ZFTA: variants seen among roughly 807,000 people sequenced by gnomAD.
ZFTA encodes the protein zinc finger translocation associated, also known as zinc finger translocation-associated protein.
Under a neutral mutation model 41.8 loss-of-function variants are expected in ZFTA, and 35 were observed. That is an observed-to-expected ratio of 0.84 (90% CI 0.64 to 1.11). The LOEUF is 1.11. ZFTA is among the 50% of genes most tolerant of loss of function. The pLI, the probability that ZFTA is intolerant of heterozygous loss-of-function variation, is 0.00. For missense variants in ZFTA, 964 were observed against 989.8 expected, an observed-to-expected ratio of 0.97 and a Z score of 0.35; for synonymous variants, 514 against 436.4, an observed-to-expected ratio of 1.18 and a Z score of -2.22.
At position 63,763,840 on chromosome 11, in the gene ZFTA, AGGGAGCTCCAG is replaced by A; in HGVS notation, c.1604_1614del (p.Pro535LeufsTer96). ...TCCTCTTCTTCGGCGGGCCGCTCCA[AGGGAGCTCCAG>A]GGGACAGCGGAACGTCGCCTAAGGA... On this transcript the variant is annotated frameshift_variant, in exon 5 of 5. Transcript: ENST00000433688. LOFTEE classifies it low-confidence loss of function (END_TRUNC). 2 of 1,438,628 alleles carry A rather than the reference AGGGAGCTCCAG, an allele frequency of 1.4e-6. No individual in the cohort carries two copies. The highest frequency in any genetic ancestry group is 1.8e-6 in the Non-Finnish European group (2 of 1,097,806). The allele number at this position is 1,438,628 out of a possible 1,614,324, so 89.1% of individuals were successfully genotyped here. A position where few individuals can be genotyped will look rare whatever the true frequency, so the allele number is the denominator to read the frequency against.
chr11:63,765,067 G>C lies in ZFTA; in HGVS notation c.825C>G (p.Asp275Glu). Residue 275 changes from aspartate to glutamate, a missense_variant, in exon 3 of 5, where the codon GAC becomes GAG. Around this residue, in one of 5 missense-constraint regions of ZFTA, gnomAD observed 584 missense variants for 523.1 expected, o/e 1.12. Transcript: ENST00000433688. The surrounding 1 kb of genome is among the most constrained non-coding windows in gnomAD (Gnocchi z 4.0). ...CCAGCCGGTTCCCCCGCGGGTCATA[G>C]TCCATGAGACACTCGGCCCGGAACC... ...QNWFRAECLM[D>E]YDPRGNRLVC... The C allele has an allele frequency of 6.5e-7, 1 of 1,549,008 alleles. No individual in the cohort carries two copies. Among genetic ancestry groups the C allele is most frequent in the Non-Finnish European group, 8.7e-7 (1 of 1,146,498 alleles).
rs1240848542 is a variant in ZFTA at position 63,763,450 on chromosome 11, C to T, written c.2005G>A (p.Asp669Asn). The T allele has an allele frequency of 7.0e-6, 10 of 1,420,872 alleles. No homozygotes were observed. Among genetic ancestry groups the T allele is most frequent in the Non-Finnish European group, 8.3e-6 (9 of 1,087,800 alleles). 88.0% of individuals were successfully genotyped at this position (1,420,872 alleles called of 1,614,324 possible). The change falls in exon 5 of 5, where the codon GAC becomes AAC. Residue 669 changes from aspartate to asparagine, a missense_variant. Physicochemically the swap from Asp to Asn is conservative, Grantham distance 23. Around this residue, in one of 5 missense-constraint regions of ZFTA, gnomAD observed 65 missense variants for 58.9 expected, o/e 1.10. Transcript: ENST00000433688. ...CGACACACAGCGCCAGACTTGAGGT[C>T]CGCGCCGCCGTCACGCGGCGCCGGG... ...PAPAPRDGGADLKSGAVCRA is the reference protein window; with the variant it reads ...PAPAPRDGGANLKSGAVCRA
At position 63,765,842 on chromosome 11, in the gene ZFTA, CCCTCCTCCTCCTCCTCTTCTT is replaced by C. The variant is rs774546523; in HGVS notation, c.581_601del (p.Glu194_Glu200del). 1.2e-4 allele frequency: 173 copies of C among 1,492,774 alleles called. No homozygotes were observed. The highest frequency in any genetic ancestry group is 1.4e-4 in the Non-Finnish European group (155 of 1,120,606). 92.5% of individuals were successfully genotyped at this position (1,492,774 alleles called of 1,614,324 possible). A position where few individuals can be genotyped will look rare whatever the true frequency, so the allele number is the denominator to read the frequency against. ...GGGCGGGCAAGCTGGGACACCGGCC[CCCTCCTCCTCCTCCTCTTCTT>C]CCTCCTCCTCCTCCTCCTCAGCCCC... is the stretch of plus-strand genomic sequence containing the variant. On this transcript the variant is annotated inframe_deletion, in exon 2 of 5. Transcript: ENST00000433688. The surrounding 1 kb of genome is among the most constrained non-coding windows in gnomAD (Gnocchi z 4.0).
Position 63,764,408 on chromosome 11 carries a change from CG to C in ZFTA, c.1214del (p.Pro405ArgfsTer47). On this transcript the variant is annotated frameshift_variant, in exon 4 of 5. Coordinates refer to ENST00000433688, the MANE Select transcript of ZFTA (RefSeq NM_001144936.2). LOFTEE classifies it high-confidence loss of function. ...GGGCGCGGCCCCGCGGCGACCGGCCCGGGACCCCCGCCCTCTCGCCCTCGCC... is the reference window on the plus strand; with the variant it reads ...GGGCGCGGCCCCGCGGCGACCGGCCCGGACCCCCGCCCTCTCGCCCTCGCC... ...EEGEGERAGV[P>X]GRSPRGRAHR... is the part of the protein sequence containing the mutation. The C allele has an allele frequency of 1.6e-6, 2 of 1,280,508 alleles. No individual in the cohort carries two copies. The highest frequency in any genetic ancestry group is 2.0e-6 in the Non-Finnish European group (2 of 1,016,618). The allele number at this position is 1,280,508 out of a possible 1,614,324, so 79.3% of individuals were successfully genotyped here. A position where few individuals can be genotyped will look rare whatever the true frequency, so the allele number is the denominator to read the frequency against.
intron 1 of ZFTA, 95 bp downstream of exon 1, chr11:63,768,389 C>T (rs1341598248): frequency 9.9e-6 from 8 of 804,136 alleles, no homozygotes; most frequent in African/African-American, 1.9e-5. Flanking sequence ...GCCCGCGTCC[C>T]CCGCTTTGTT....
rs2014597360 is a variant in ZFTA, at chr11:63,760,243, A to ATTT, written c.*3174_*3175insAAA. On this transcript the variant is annotated 3_prime_UTR_variant, in exon 5 of 5. Transcript: ENST00000433688. Reference sequence around the variant, plus strand: ...TTACATATAGCCACAATACACTTAAATTGAGTCAATCACCGTGGAAAATGG... The same window carrying ATTT: ...TTACATATAGCCACAATACACTTAAATTTTTGAGTCAATCACCGTGGAAAATGG... 6.6e-6 allele frequency: 1 copy of ATTT among 152,182 alleles called. No homozygotes were observed. Among genetic ancestry groups the ATTT allele is most frequent in the South Asian group, 2.1e-4 (1 of 4,830 alleles). 9.4% of individuals were successfully genotyped at this position (152,182 alleles called of 1,614,324 possible).
Position 63,765,395 on chromosome 11 carries a change from A to C in ZFTA, c.638-141T>G. On this transcript the variant is annotated intron_variant, in intron 2 of 4. Transcript: ENST00000433688. This position sits in a 1 kb window ranked among gnomAD's most constrained non-coding sequence, Gnocchi z 4.0. ...TCTCTTCCTCTCTCCTGAAATCCTAACTCCCTAAACCCTCCTCTGCTAGCA... is the reference window on the plus strand; with the variant it reads ...TCTCTTCCTCTCTCCTGAAATCCTACCTCCCTAAACCCTCCTCTGCTAGCA... 2 of 977,336 alleles carry C rather than the reference A, an allele frequency of 2.0e-6. No individual in the cohort carries two copies. The highest frequency in any genetic ancestry group is 2.8e-6 in the Non-Finnish European group (2 of 707,526). The allele number at this position is 977,336 out of a possible 1,614,324, so 60.5% of individuals were successfully genotyped here. A position where few individuals can be genotyped will look rare whatever the true frequency, so the allele number is the denominator to read the frequency against.
In ZFTA at chr11:63,764,875, G is replaced by A; in HGVS notation, c.1017C>T (p.Ser339=). ...QPEALSELTQ[S]PPGDDLAPQD... The stretch of plus-strand genomic sequence containing the variant: ...CTGGGATGGGCCTCGCACCTGGTGG[G>A]GACTGGGTGAGCTCAGACAGCGCCT... The change falls in exon 3 of 5, where the codon TCC becomes TCT. Residue 339 remains serine, a synonymous_variant. Transcript: ENST00000433688. 4 of 1,500,346 alleles carry A rather than the reference G, an allele frequency of 2.7e-6. No homozygotes were observed. Among genetic ancestry groups the A allele is most frequent in the Non-Finnish European group, 3.5e-6 (4 of 1,126,848 alleles). The allele number at this position is 1,500,346 out of a possible 1,614,324, so 92.9% of individuals were successfully genotyped here. A position where few individuals can be genotyped will look rare whatever the true frequency, so the allele number is the denominator to read the frequency against.
At chr11:63,764,627 C>T (rs2014715045) in intron 3 of ZFTA, 29 bp from the exon 4 acceptor site, 2 of 1,264,000 alleles carry the variant, frequency 1.6e-6, no homozygotes, top group Admixed American at 4.0e-5. Flanking sequence ...GGGAGAGGGG[C>T]TCAGCCTGCT....
chr11:63,767,200 C>T (rs886304410), intron 1 of ZFTA: 18 of 152,348 alleles, frequency 1.2e-4, no homozygotes, highest in African/African-American at 4.3e-4. Context: ...CCCCTACCCT[C>T]CCTACAGTTC....
Position 63,765,604 on chromosome 11 carries a change from G to A in ZFTA, c.637+203C>T, listed in dbSNP as rs1590910695. On this transcript the variant is annotated intron_variant, in intron 2 of 4. Coordinates refer to ENST00000433688, the MANE Select transcript of ZFTA (RefSeq NM_001144936.2). This position sits in a 1 kb window ranked among gnomAD's most constrained non-coding sequence, Gnocchi z 4.0. ...CTTGATACTTCAAAAACCACAGAAT[G>A]TACAAGCTGTCATGGACATCGGAGA... is the stretch of plus-strand genomic sequence containing the variant. 6.6e-6 allele frequency among the ~76,000 whole-genome samples: 1 copy of A among 152,020 alleles called. No homozygotes were observed. The highest frequency in any genetic ancestry group is 2.4e-5 in the African/African-American group (1 of 41,364).
Position 63,768,541 on chromosome 11 carries a change from G to T in ZFTA, c.82C>A (p.Arg28=). Reference sequence around the variant, plus strand: ...CTCGATCCGGCGGGCGGCAGCCGTCGGCCCCGTGCCGAGGCCACTGCTGGC... The same window carrying T: ...CTCGATCCGGCGGGCGGCAGCCGTCTGCCCCGTGCCGAGGCCACTGCTGGC... ...PGPAVASARG[R]RLPPAGSSGS... is the part of the protein sequence containing the mutation. The change falls in exon 1 of 5, where the codon CGA becomes AGA. Residue 28 remains arginine, a synonymous_variant. Transcript: ENST00000433688. 1 of 1,147,332 alleles carries T rather than the reference G, an allele frequency of 8.7e-7. No individual in the cohort carries two copies. The highest frequency in any genetic ancestry group is 2.3e-5 in the South Asian group (1 of 43,688). The allele number at this position is 1,147,332 out of a possible 1,614,324, so 71.1% of individuals were successfully genotyped here. A position where few individuals can be genotyped will look rare whatever the true frequency, so the allele number is the denominator to read the frequency against.
Position 63,765,700 on chromosome 11 carries a change from G to C in ZFTA, c.637+107C>G. 1 of 1,387,534 alleles carries C rather than the reference G, an allele frequency of 7.2e-7. No individual in the cohort carries two copies. Among genetic ancestry groups the C allele is most frequent in the Non-Finnish European group, 9.4e-7 (1 of 1,062,896 alleles). The allele number at this position is 1,387,534 out of a possible 1,614,324, so 86.0% of individuals were successfully genotyped here. ...AATAAACAGACCCCACCCAGAGGAG[G>C]AGCAGTGCCTTGCTCAAGAACACCA... On this transcript the variant is annotated intron_variant, in intron 2 of 4. Transcript: ENST00000433688. The surrounding 1 kb of genome is among the most constrained non-coding windows in gnomAD (Gnocchi z 4.0).
In ZFTA at chr11:63,765,211, C is replaced by G; in HGVS notation, c.681G>C (p.Gly227=). The G allele has an allele frequency of 6.8e-7, 1 of 1,473,200 alleles. No homozygotes were observed. 91.3% of individuals were successfully genotyped at this position (1,473,200 alleles called of 1,614,324 possible). A position where few individuals can be genotyped will look rare whatever the true frequency, so the allele number is the denominator to read the frequency against. The change falls in exon 3 of 5, where the codon GGG becomes GGC. Residue 227 remains glycine, a synonymous_variant. Coordinates refer to ENST00000433688, the MANE Select transcript of ZFTA (RefSeq NM_001144936.2). This position sits in a 1 kb window ranked among gnomAD's most constrained non-coding sequence, Gnocchi z 4.0. ...GCCGAGCCCGGGGTGCCACTGGGCC[C>G]CCTCGCCGCTGGCGCCGGCAGCCCC... The part of the protein sequence containing the change: ...AGGGCRRQRR[G]GPVAPRARRL...
In ZFTA at chr11:63,765,826, A is replaced by AGCTGGGACACCG; in HGVS notation, c.606_617dup (p.Gly203_Ala206dup). 6.7e-7 allele frequency: 1 copy of AGCTGGGACACCG among 1,487,876 alleles called. No individual in the cohort carries two copies. The highest frequency in any genetic ancestry group is 8.9e-7 in the Non-Finnish European group (1 of 1,119,926). 92.2% of individuals were successfully genotyped at this position (1,487,876 alleles called of 1,614,324 possible). On this transcript the variant is annotated inframe_insertion, in exon 2 of 5. Transcript: ENST00000433688. The surrounding 1 kb of genome is among the most constrained non-coding windows in gnomAD (Gnocchi z 4.0). ...CATTACCTGGGCCCTTGGGCGGGCA[A>AGCTGGGACACCG]GCTGGGACACCGGCCCCCTCCTCCT...
rs1210152799 is a variant in ZFTA at position 63,761,281 on chromosome 11, AC to A, written c.*2136del. ...TCTTCCTGAATCCCTGGTGGCCTCCACAACAAAAAGCACAAAGCCCCCTGCC... is the reference window on the plus strand; with the variant it reads ...TCTTCCTGAATCCCTGGTGGCCTCCAAACAAAAAGCACAAAGCCCCCTGCC... On this transcript the variant is annotated 3_prime_UTR_variant, in exon 5 of 5. Transcript: ENST00000433688. The A allele has an allele frequency of 6.6e-6, 1 of 152,222 alleles. No individual in the cohort carries two copies. The allele number at this position is 152,222 out of a possible 1,614,324, so 9.4% of individuals were successfully genotyped here.
Position 63,762,060 on chromosome 11 carries a change from C to T in ZFTA, c.*1358G>A, listed in dbSNP as rs1221824588. On this transcript the variant is annotated 3_prime_UTR_variant, in exon 5 of 5. Transcript: ENST00000433688. ...GGCTTTAGGACCGCGGGAACTGTTC[C>T]TGCAGCAGCCTGGCTTTGTGAAGAG... 6.6e-6 allele frequency: 1 copy of T among 152,198 alleles called. No individual in the cohort carries two copies. Among genetic ancestry groups the T allele is most frequent in the Non-Finnish European group, 1.5e-5 (1 of 68,140 alleles). The allele number at this position is 152,198 out of a possible 1,614,324, so 9.4% of individuals were successfully genotyped here. A position where few individuals can be genotyped will look rare whatever the true frequency, so the allele number is the denominator to read the frequency against.
Position 63,768,655 on chromosome 11 carries a change from C to CGGGGCGCG in ZFTA, c.-41_-34dup, listed in dbSNP as rs1035667555. 2 of 962,598 alleles carry CGGGGCGCG rather than the reference C, an allele frequency of 2.1e-6. No individual in the cohort carries two copies. Among genetic ancestry groups the CGGGGCGCG allele is most frequent in the African/African-American group, 1.8e-5 (1 of 55,638 alleles). The allele number at this position is 962,598 out of a possible 1,614,324, so 59.6% of individuals were successfully genotyped here. ...GCTGCGGAGCGGGGCCCCGGGGCGG[C>CGGGGCGCG]GGGGCGCGGGGCCGCGGGGCCGGCG... On this transcript the variant is annotated 5_prime_UTR_variant, in exon 1 of 5. Transcript: ENST00000433688.
Position 63,760,834 on chromosome 11 carries a change from AT to A in ZFTA, c.*2583del, listed in dbSNP as rs2014614547. ...AGTAACCCTGGGGTATGGCCCAAGAATTTTTATTTCTAGCAGATTCCTAAGG... is the reference window on the plus strand; with the variant it reads ...AGTAACCCTGGGGTATGGCCCAAGAATTTTATTTCTAGCAGATTCCTAAGG... On this transcript the variant is annotated 3_prime_UTR_variant, in exon 5 of 5. Transcript: ENST00000433688. The A allele has an allele frequency of 6.6e-6, 1 of 152,184 alleles. No homozygotes were observed. Among genetic ancestry groups the A allele is most frequent in the African/African-American group, 2.4e-5 (1 of 41,418 alleles). 9.4% of individuals were successfully genotyped at this position (152,184 alleles called of 1,614,324 possible).
Sources: allele counts gnomAD v4.1 joint callset (sites outside exome capture counted in the v4.1 genomes callset), GRCh38; gene constraint gnomAD v4.1.1; regional missense constraint gnomAD v4.1.1; non-coding constraint Gnocchi (gnomAD v3.1); transcripts MANE v1.5; gene names NCBI Gene and HGNC (gene_info 2026-07-23, HGNC 2026-07-21).